ADAMTS3: variants seen among roughly 807,000 people sequenced by gnomAD.
The protein encoded by ADAMTS3 is A disintegrin and metalloproteinase with thrombospondin motifs 3.
A neutral mutation model predicts 129.0 loss-of-function variants in ADAMTS3; 73 were observed. That is an observed-to-expected ratio of 0.57 (90% CI 0.47 to 0.69). The LOEUF (loss-of-function observed/expected upper bound fraction) is 0.69. Among genes scored for constraint, ADAMTS3 ranks in the 30% least tolerant of loss-of-function variants. The pLI is 0.00. For synonymous variants in ADAMTS3, 477 were observed against 510.8 expected (o/e 0.93, Z 0.89); for missense variants, 1,457 against 1,514.5 (o/e 0.96, Z 0.63).
chr4:72,411,796 G>T (rs929013038), intron 4 of ADAMTS3, among the ~76,000 whole-genome samples: 1 of 151,946 alleles, frequency 6.6e-6, no homozygotes, highest in Middle Eastern at 3.2e-3. Context: ...GAATTCTCTA[G>T]TCTTCTAGAT....
intron 3 of ADAMTS3, among the ~76,000 whole-genome samples, chr4:72,510,160 A>T (rs1720275229): frequency 6.6e-6 from 1 of 152,080 alleles, no homozygotes; most frequent in Non-Finnish European, 1.5e-5. Context: ...ACCCACAGCT[A>T]GTATCATATT....
intron 19 of ADAMTS3, among the ~76,000 whole-genome samples, chr4:72,294,922 A>G (rs917093134): frequency 6.6e-6 from 1 of 152,028 alleles, no homozygotes; most frequent in Admixed American, 6.6e-5. Flanking sequence ...GAAAGCTGGT[A>G]AAAAGTCCAA....
intron 3 of ADAMTS3, among the ~76,000 whole-genome samples, chr4:72,463,843 CAA>C (rs541617698): frequency 6.6e-6 from 1 of 151,736 alleles, no homozygotes; most frequent in Admixed American, 6.6e-5. Context: ...TGCCATTAAC[CAA>C]AGAGAAGCCT....
chr4:72,391,201 C>G (rs1335516652), intron 4 of ADAMTS3, among the ~76,000 whole-genome samples: 1 of 152,124 alleles, frequency 6.6e-6, no homozygotes, highest in African/African-American at 2.4e-5. Flanking sequence ...GGAAGAAAAT[C>G]CATCTTTTTG....
chr4:72,323,208 A>C, intron 5 of ADAMTS3, 111 bp from the exon 6 acceptor site: 3 of 797,524 alleles, frequency 3.8e-6, no homozygotes, highest in Non-Finnish European at 6.3e-6. Flanking sequence ...TGCTGTTTTT[A>C]AATTGAGTTT....
intron 3 of ADAMTS3, among the ~76,000 whole-genome samples, chr4:72,420,732 A>G (rs1722422721): frequency 6.6e-6 from 1 of 152,260 alleles, no homozygotes; most frequent in East Asian, 1.9e-4. Flanking sequence ...AAAAAACAAC[A>G]AAGAAGGAAG....
chr4:72,520,970 A>C (rs900216718), intron 3 of ADAMTS3, among the ~76,000 whole-genome samples: 1 of 150,568 alleles, frequency 6.6e-6, no homozygotes, highest in African/African-American at 2.4e-5. Flanking sequence ...CGCTGTTCCT[A>C]TTCGGCCATC....
intron 16 of ADAMTS3, 21 bp downstream of exon 16, chr4:72,305,966 A>G: frequency 6.3e-7 from 1 of 1,596,432 alleles, no homozygotes; most frequent in Non-Finnish European, 8.6e-7. Flanking sequence ...TAAAGCAGAG[A>G]CAGCAGACAG....
chr4:72,520,166 C>T (rs1720621905), intron 3 of ADAMTS3, among the ~76,000 whole-genome samples: 1 of 151,464 alleles, frequency 6.6e-6, no homozygotes, highest in African/African-American at 2.4e-5. Context: ...TTTCGTGAAC[C>T]ACAAATGCTG....
rs139389616 is a variant in ADAMTS3 at position 72,443,579 on chromosome 4, TCA to T, written c.505-28610_505-28609del. Among the ~76,000 whole-genome samples the T allele has an allele frequency of 5.3e-3, 809 of 151,830 alleles. 11 individuals carry two copies. The highest frequency in any genetic ancestry group is 0.019 in the African/African-American group (771 of 41,490). On this transcript the variant is annotated intron_variant, in intron 3 of 21. Coordinates refer to ENST00000286657, the MANE Select transcript of ADAMTS3 (RefSeq NM_014243.3). ...AAAGATAAAGTAGTTTAATACTTGTTCACAGTTAGTTCATCTAGGTAATCCAG... is the reference window on the plus strand; with the variant it reads ...AAAGATAAAGTAGTTTAATACTTGTTCAGTTAGTTCATCTAGGTAATCCAG...
rs574508023 is a variant in ADAMTS3 at position 72,436,449 on chromosome 4, G to A, written c.505-21478C>T. On this transcript the variant is annotated intron_variant, in intron 3 of 21. Transcript: ENST00000286657. ...CAATCATTGTGGAAGACAGTGTGGC[G>A]ATTCCTCAAGGATCTAGAACTAGAA... is the stretch of plus-strand genomic sequence containing the variant. Among the ~76,000 whole-genome samples the A allele has an allele frequency of 5.3e-5, 8 of 152,194 alleles. No individual in the cohort carries two copies. In the East Asian group the frequency reaches 7.8e-4, roughly 15 times the overall value.
Position 72,526,781 on chromosome 4 carries a change from CAGAGAG to C in ADAMTS3, c.504+21691_504+21696del, listed in dbSNP as rs367563051. ...ATATATATATATATATATATATAGA[CAGAGAG>C]AGAGAGAGAGAGAGAGGAATCCATA... On this transcript the variant is annotated intron_variant, in intron 3 of 21. Transcript: ENST00000286657. Among the ~76,000 whole-genome samples the C allele has an allele frequency of 8.1e-3, 741 of 91,874 alleles. 14 individuals are homozygous for C. The highest frequency in any genetic ancestry group is 0.029 in the African/African-American group (701 of 23,934). 60.3% of individuals were successfully genotyped at this position (91,874 alleles called of 152,430 possible).
At chr4:72,328,132 A>G (rs567305616) in intron 5 of ADAMTS3, among the ~76,000 whole-genome samples, 2 of 152,288 alleles carry the variant, frequency 1.3e-5, no homozygotes, top group African/African-American at 2.4e-5. Flanking sequence ...GAGCCAACCT[A>G]TTGGACCATG....
chr4:72,527,830 A>G (rs1442000669), intron 3 of ADAMTS3, among the ~76,000 whole-genome samples: 1 of 152,212 alleles, frequency 6.6e-6, no homozygotes, highest in South Asian at 2.1e-4. Flanking sequence ...GATTCTACCC[A>G]GAGGAAGAAT....
intron 16 of ADAMTS3, among the ~76,000 whole-genome samples, chr4:72,305,664 C>CA (rs201288358): frequency 0.011 from 1,702 of 151,028 alleles, 46 homozygotes; most frequent in African/African-American, 0.039. Context: ...GAGAAATGAC[C>CA]AAAAAAAACC....
Position 72,476,614 on chromosome 4 carries a change from C to T in ADAMTS3, c.505-61643G>A, listed in dbSNP as rs59623394. ...GAAGAAAAACTTACCAATTAATTTA[C>T]GAAGCTAAAATTACACTAATCCCCA... On this transcript the variant is annotated intron_variant, in intron 3 of 21. Transcript: ENST00000286657. Among the ~76,000 whole-genome samples the T allele has an allele frequency of 7.2e-4, 110 of 151,854 alleles. 1 individual carries two copies. Among genetic ancestry groups the T allele is most frequent in the African/African-American group, 2.5e-3 (104 of 41,426 alleles).
At chr4:72,439,790 G>A (rs977743455) in intron 3 of ADAMTS3, among the ~76,000 whole-genome samples, 5 of 151,684 alleles carry the variant, frequency 3.3e-5, no homozygotes, top group Non-Finnish European at 7.4e-5. Context: ...AAGCCTTACC[G>A]TGGCATAGTA....
At chr4:72,478,390 A>G (rs1310809813) in intron 3 of ADAMTS3, among the ~76,000 whole-genome samples, 1 of 149,630 alleles carries the variant, frequency 6.7e-6, no homozygotes, top group Non-Finnish European at 1.5e-5. Flanking sequence ...GGTTCAATAT[A>G]TGCAAATCAA....
chr4:72,551,537 A>T (rs1721646506), intron 2 of ADAMTS3, among the ~76,000 whole-genome samples: 1 of 152,170 alleles, frequency 6.6e-6, no homozygotes, highest in South Asian at 2.1e-4. Flanking sequence ...TAAGGTAATG[A>T]GGAAAAAGAT....
Sources: gnomAD v4.1 joint callset for allele counts (sites outside exome capture counted in the v4.1 genomes callset) on GRCh38, gnomAD v4.1.1 for gene constraint, MANE v1.5 for transcripts, NCBI Gene and HGNC (gene_info 2026-07-23, HGNC 2026-07-21) for gene names.